The following SLC25A48 variants were observed in gnomAD, a reference collection of about 807,000 sequenced individuals.
The protein encoded by SLC25A48 is CTC-321K16.1.
A neutral mutation model predicts 32.2 loss-of-function variants in SLC25A48; 29 were observed. The observed-to-expected ratio is 0.90, with a 90% CI of 0.67 to 1.23. The LOEUF is 1.23. Ranked by LOEUF, SLC25A48 falls within the 50% of genes most tolerant of loss-of-function variation. The pLI is 0.00. For synonymous variants in SLC25A48, 164 were observed against 172.3 expected (o/e 0.95, Z 0.38); for missense variants, 399 against 422.7 (o/e 0.94, Z 0.49).
intron 1 of SLC25A48, among the ~76,000 whole-genome samples, chr5:135,595,329 T>C (rs563806431): frequency 1.3e-4 from 20 of 152,242 alleles, no homozygotes; most frequent in African/African-American, 3.1e-4. Context: ...TGGGACATGG[T>C]GATTCCACCC....
intron 3 of SLC25A48, among the ~76,000 whole-genome samples, chr5:135,748,189 A>G (rs1465500723): frequency 2.0e-5 from 3 of 152,210 alleles, no homozygotes; most frequent in African/African-American, 7.2e-5. Flanking sequence ...CTTGCCCACA[A>G]TCTGAGAGGC....
chr5:135,789,482 G>T (rs1756964206), intron 3 of SLC25A48, among the ~76,000 whole-genome samples: 1 of 151,580 alleles, frequency 6.6e-6, no homozygotes, highest in Non-Finnish European at 1.5e-5. Context: ...TACTTCCCAG[G>T]TGTACAACCG....
At chr5:135,602,312 G>T (rs56088050) in intron 1 of SLC25A48, among the ~76,000 whole-genome samples, 26,870 of 152,236 alleles carry the variant, frequency 0.18, 2,645 homozygotes, top group Non-Finnish European at 0.19. Context: ...TGCCCCAAGA[G>T]ATTCCACATC....
chr5:135,835,435 T>C (rs1242627097), intron 1 of SLC25A48, among the ~76,000 whole-genome samples: 1 of 152,096 alleles, frequency 6.6e-6, no homozygotes, highest in Admixed American at 6.5e-5. Context: ...GGAGCACTTA[T>C]TGCCTTCAGC....
In SLC25A48 at chr5:135,624,647, G is replaced by A. The variant is rs1262374663; in HGVS notation, c.-848-4590G>A. Among the ~76,000 whole-genome samples, 7 of 152,280 alleles carry A rather than the reference G, an allele frequency of 4.6e-5. No individual in the cohort carries two copies. The South Asian group carries it at 8.3e-4, about 18-fold the overall frequency. ...TCTGTTTTTATGGGTCTTCTTAAAT[G>A]AGTACTGGCAAGGTGGGGAACCCCT... is the stretch of plus-strand genomic sequence containing the variant. On this transcript the variant is annotated intron_variant, in intron 1 of 10. Transcript: ENST00000646290.
chr5:135,661,545 C>T (rs1158111109), intron 3 of SLC25A48, among the ~76,000 whole-genome samples: 1 of 152,128 alleles, frequency 6.6e-6, no homozygotes, highest in Non-Finnish European at 1.5e-5. Context: ...AAAAACATGG[C>T]CTCCTTGTGA....
chr5:135,683,705 A>T (rs1561789254), intron 3 of SLC25A48, among the ~76,000 whole-genome samples: 1 of 152,206 alleles, frequency 6.6e-6, no homozygotes. Flanking sequence ...CCATGACAAG[A>T]GGACAAATAT....
chr5:135,660,101 G>A (rs934218660), intron 3 of SLC25A48, among the ~76,000 whole-genome samples: 10 of 152,182 alleles, frequency 6.6e-5, no homozygotes, highest in Non-Finnish European at 1.3e-4. Context: ...GGCTCATCTA[G>A]TGGGGTTCTA....
intron 3 of SLC25A48, among the ~76,000 whole-genome samples, chr5:135,732,827 C>CT (rs766978977): frequency 1.3e-5 from 2 of 152,146 alleles, no homozygotes; most frequent in Non-Finnish European, 2.9e-5. Context: ...AGGAGAAAAA[C>CT]TGCCGTGAGG....
At chr5:135,636,068 G>A (rs1752697118) in intron 3 of SLC25A48, among the ~76,000 whole-genome samples, 1 of 152,178 alleles carries the variant, frequency 6.6e-6, no homozygotes, top group Non-Finnish European at 1.5e-5. Flanking sequence ...TAAGATTAGA[G>A]GTGAATGATT....
At chr5:135,593,149 G>A (rs1360369553) in intron 1 of SLC25A48, among the ~76,000 whole-genome samples, 1 of 152,076 alleles carries the variant, frequency 6.6e-6, no homozygotes, top group Non-Finnish European at 1.5e-5. Flanking sequence ...GTATTGCATT[G>A]TTCCCCCCAC....
intron 3 of SLC25A48, among the ~76,000 whole-genome samples, chr5:135,746,551 CA>C (rs979965983): frequency 7.6e-4 from 115 of 152,268 alleles, no homozygotes; most frequent in African/African-American, 2.5e-3. Flanking sequence ...AATAAGTCTC[CA>C]AAAGAGAGGG....
In SLC25A48 at chr5:135,787,697, A is replaced by G. The variant is rs994204628; in HGVS notation, c.-520-24826A>G. Among the ~76,000 whole-genome samples, 6 of 151,806 alleles carry G rather than the reference A, an allele frequency of 4.0e-5. 1 individual carries two copies. Among genetic ancestry groups the G allele is most frequent in the African/African-American group, 7.3e-5 (3 of 41,304 alleles). On this transcript the variant is annotated intron_variant, in intron 3 of 10. Transcript: ENST00000646290. ...ACTCCTAATGTCACTGGGGGTGTAC[A>G]CTGTGATATTATTCGTAACATTTTA...
intron 5 of SLC25A48, among the ~76,000 whole-genome samples, chr5:135,873,485 C>G (rs981706924): frequency 2.6e-5 from 4 of 152,030 alleles, no homozygotes; most frequent in African/African-American, 9.7e-5. Flanking sequence ...TTTGCAACCC[C>G]CAGGCTGGCC....
intron 3 of SLC25A48, among the ~76,000 whole-genome samples, chr5:135,810,404 A>C (rs1011788676): frequency 6.6e-6 from 1 of 152,208 alleles, no homozygotes; most frequent in Non-Finnish European, 1.5e-5. Flanking sequence ...ATATGGCCCC[A>C]GCTGGCCTGT....
chr5:135,621,674 AG>A (rs1260741676), intron 1 of SLC25A48, among the ~76,000 whole-genome samples: 1 of 152,086 alleles, frequency 6.6e-6, no homozygotes, highest in Non-Finnish European at 1.5e-5. Flanking sequence ...AAATATACTA[AG>A]GCAATTCATC....
chr5:135,668,219 T>G (rs1389922700), intron 3 of SLC25A48, among the ~76,000 whole-genome samples: 2 of 152,248 alleles, frequency 1.3e-5, no homozygotes, highest in South Asian at 2.1e-4. Context: ...AGAGATTTCA[T>G]CATAATGACC....
At chr5:135,761,715 C>G (rs1213427890) in intron 3 of SLC25A48, among the ~76,000 whole-genome samples, 1 of 152,232 alleles carries the variant, frequency 6.6e-6, no homozygotes, top group Admixed American at 6.5e-5. Context: ...GAAACACATT[C>G]TCTTTCTGAA....
intron 3 of SLC25A48, among the ~76,000 whole-genome samples, chr5:135,651,822 T>C (rs1468409482): frequency 6.6e-6 from 1 of 152,230 alleles, no homozygotes; most frequent in Non-Finnish European, 1.5e-5. Context: ...CATAGATTTA[T>C]AGGTAGTTGC....
Sources: allele counts gnomAD v4.1 joint callset (sites outside exome capture counted in the v4.1 genomes callset), GRCh38; gene constraint gnomAD v4.1.1; transcripts MANE v1.5; gene names NCBI Gene and HGNC (gene_info 2026-07-23, HGNC 2026-07-21).